SLC25A48: variants seen among roughly 807,000 people sequenced by gnomAD.
The protein encoded by SLC25A48 is solute carrier family 25 member 48.
A neutral mutation model predicts 32.2 loss-of-function variants in SLC25A48; 29 were observed. The ratio of observed to expected loss-of-function variants is 0.90; its 90% CI spans 0.67 to 1.23. The LOEUF is 1.23. Among genes scored for constraint, SLC25A48 ranks in the 50% most tolerant of loss-of-function variants. SLC25A48 has a pLI of 0.00. For missense variants in SLC25A48, 399 were observed against 422.7 expected (o/e 0.94, Z 0.49); for synonymous variants, 164 against 172.3 (o/e 0.95, Z 0.38).
intron 4 of SLC25A48, among the ~76,000 whole-genome samples, chr5:135,856,816 T>C (rs1403931741): frequency 6.6e-6 from 1 of 152,234 alleles, no homozygotes; most frequent in Non-Finnish European, 1.5e-5. Context: ...AAGGCTGTCA[T>C]GAGCAGGCTG....
At chr5:135,729,789 A>G (rs1755181665) in intron 3 of SLC25A48, among the ~76,000 whole-genome samples, 1 of 152,220 alleles carries the variant, frequency 6.6e-6, no homozygotes, top group Non-Finnish European at 1.5e-5. Flanking sequence ...TAAAAGTAAT[A>G]GGAAGTACAT....
At chr5:135,673,000 C>T (rs1051553994) in intron 3 of SLC25A48, among the ~76,000 whole-genome samples, 3 of 152,134 alleles carry the variant, frequency 2.0e-5, no homozygotes, top group Non-Finnish European at 4.4e-5. Flanking sequence ...ATTTATTTAT[C>T]TGGCTTCTTT....
chr5:135,742,969 TCCCCTCCCTCCCC>T (rs1755537541), intron 3 of SLC25A48, among the ~76,000 whole-genome samples: 3 of 3,172 alleles, frequency 9.5e-4, no homozygotes, highest in African/African-American at 8.8e-4. Context: ...CCCCTCCCCC[TCCCCTCCCTCCCC>T]CCCCTCCCTT....
At chr5:135,707,944 A>G (rs1456819598) in intron 3 of SLC25A48, among the ~76,000 whole-genome samples, 1 of 152,074 alleles carries the variant, frequency 6.6e-6, no homozygotes, top group Non-Finnish European at 1.5e-5. Context: ...GGATGGATGG[A>G]TGGATCGATG....
At chr5:135,773,429 C>T (rs1461503345) in intron 3 of SLC25A48, among the ~76,000 whole-genome samples, 1 of 150,984 alleles carries the variant, frequency 6.6e-6, no homozygotes, top group Admixed American at 6.6e-5. Flanking sequence ...TGATATTACT[C>T]GCAATAACGC....
intron 3 of SLC25A48, among the ~76,000 whole-genome samples, chr5:135,733,286 T>C (rs935619556): frequency 1.3e-5 from 2 of 151,902 alleles, no homozygotes; most frequent in African/African-American, 2.4e-5. Context: ...AAACCAAATG[T>C]GATCAGGGTG....
chr5:135,763,060 G>A (rs1756103547), intron 3 of SLC25A48, among the ~76,000 whole-genome samples: 2 of 151,944 alleles, frequency 1.3e-5, no homozygotes, highest in African/African-American at 4.8e-5. Context: ...TGTCAGTGTG[G>A]GTGAATATGT....
chr5:135,651,565 CT>C (rs1245417287), intron 3 of SLC25A48, among the ~76,000 whole-genome samples: 1 of 152,202 alleles, frequency 6.6e-6, no homozygotes, highest in African/African-American at 2.4e-5. Flanking sequence ...GAGGAAGAGG[CT>C]CTTCTGTGGG....
chr5:135,786,275 A>T (rs1756847113), intron 3 of SLC25A48, among the ~76,000 whole-genome samples: 1 of 152,036 alleles, frequency 6.6e-6, no homozygotes, highest in African/African-American at 2.4e-5. Flanking sequence ...TCTTAACATG[A>T]TACTATTCGT....
intron 3 of SLC25A48, among the ~76,000 whole-genome samples, chr5:135,738,569 T>G (rs1211190606): frequency 6.6e-6 from 1 of 152,176 alleles, no homozygotes; most frequent in Non-Finnish European, 1.5e-5. Context: ...GAAGACTGGT[T>G]TAGTCCCAAC....
intron 4 of SLC25A48, among the ~76,000 whole-genome samples, chr5:135,818,121 C>G (rs961105126): frequency 1.2e-4 from 16 of 129,536 alleles, no homozygotes; most frequent in Non-Finnish European, 2.5e-4. Flanking sequence ...CTCTCTCTCC[C>G]TCTGTTTCTG....
intron 3 of SLC25A48, among the ~76,000 whole-genome samples, chr5:135,708,629 C>T (rs1225259040): frequency 6.6e-6 from 1 of 152,184 alleles, no homozygotes; most frequent in African/African-American, 2.4e-5. Context: ...AACCCTGGAC[C>T]ACAGCTGGGT....
intron 1 of SLC25A48, among the ~76,000 whole-genome samples, chr5:135,589,088 T>A (rs1003382352): frequency 6.6e-6 from 1 of 152,230 alleles, no homozygotes; most frequent in Non-Finnish European, 1.5e-5. Context: ...TTTCACATAA[T>A]GACAGTCACA....
At chr5:135,732,321 G>A (rs1415776060) in intron 3 of SLC25A48, among the ~76,000 whole-genome samples, 1 of 152,094 alleles carries the variant, frequency 6.6e-6, no homozygotes, top group African/African-American at 2.4e-5. Flanking sequence ...GAGGTGGGAA[G>A]GCCAAACCGA....
intron 1 of SLC25A48, among the ~76,000 whole-genome samples, chr5:135,590,385 C>T (rs1012118545): frequency 2.0e-5 from 3 of 152,202 alleles, no homozygotes; most frequent in Non-Finnish European, 4.4e-5. Context: ...TGCCCATGGG[C>T]CCCCGGCCCC....
intron 4 of SLC25A48, among the ~76,000 whole-genome samples, chr5:135,866,475 G>T (rs950934771): frequency 3.3e-5 from 5 of 152,258 alleles, no homozygotes; most frequent in African/African-American, 1.2e-4. Flanking sequence ...AGGGGCAATA[G>T]TGGTAGAGCT....
chr5:135,793,231 C>T (rs1303340090), intron 3 of SLC25A48, among the ~76,000 whole-genome samples: 2 of 150,850 alleles, frequency 1.3e-5, no homozygotes, highest in Non-Finnish European at 3.0e-5. Context: ...TTTATAATAT[C>T]CTTGGGAGTT....
chr5:135,737,101 C>T (rs947709129), intron 3 of SLC25A48, among the ~76,000 whole-genome samples: 29 of 152,094 alleles, frequency 1.9e-4, no homozygotes, highest in African/African-American at 6.5e-4. Context: ...CACTCACGTC[C>T]GTGTGAAGAG....
rs1314728366 is a variant in SLC25A48, at chr5:135,850,463, C to T, written c.129C>T (p.Leu43=). The T allele has an allele frequency of 3.7e-6, 6 of 1,614,056 alleles. No homozygotes were observed. Among genetic ancestry groups the T allele is most frequent in the Non-Finnish European group, 5.1e-6 (6 of 1,180,042 alleles). The change falls in exon 3 of 8, where the codon CTC becomes CTT. Residue 43 remains leucine (L), a synonymous_variant. Transcript: ENST00000681962. ...CTGGCGTTGGCTACGGAAACACCCT[C>T]AGCTGCATCCGCGTGGTGTACAGGA... ...LQAGVGYGNT[L]SCIRVVYRRE... is the part of the protein sequence containing the mutation.
Sources: allele counts gnomAD v4.1 joint callset (sites outside exome capture counted in the v4.1 genomes callset), GRCh38; gene constraint gnomAD v4.1.1; transcripts MANE v1.5; gene names NCBI Gene and HGNC (gene_info 2026-07-23, HGNC 2026-07-21).